DLGAP1: variants seen among roughly 807,000 people sequenced by gnomAD.
DLGAP1 encodes DLG associated protein 1.
A neutral mutation model predicts 90.8 loss-of-function variants in DLGAP1; 11 were observed. The ratio of observed to expected loss-of-function variants is 0.12; its 90% CI spans 0.08 to 0.20. The LOEUF is 0.20. Ranked by LOEUF, DLGAP1 falls within the 10% of genes least tolerant of loss-of-function variation. The pLI, the probability that DLGAP1 is intolerant of heterozygous loss-of-function variation, is 1.00. For synonymous variants in DLGAP1, 558 were observed against 540.7 expected (o/e 1.03, Z -0.44); for missense variants, 1,050 against 1,333.8 (o/e 0.79, Z 3.31).
chr18:4,181,977 T>C (rs938276462), intron 1 of DLGAP1, among the ~76,000 whole-genome samples: 1 of 152,160 alleles, frequency 6.6e-6, no homozygotes, highest in Non-Finnish European at 1.5e-5. Context: ...TGATAGCGAT[T>C]TGCAGATCCC....
chr18:3,662,747 G>A (rs1055068103), intron 7 of DLGAP1, among the ~76,000 whole-genome samples: 2 of 152,252 alleles, frequency 1.3e-5, no homozygotes, highest in African/African-American at 4.8e-5. Context: ...GGAACTGGCA[G>A]CATGTGGATT....
chr18:3,943,762 C>T (rs898144435), intron 3 of DLGAP1, among the ~76,000 whole-genome samples: 1 of 152,110 alleles, frequency 6.6e-6, no homozygotes, highest in Non-Finnish European at 1.5e-5. Flanking sequence ...TGTGACTGTA[C>T]TGTATTTGGA....
chr18:3,730,810 A>AT (rs1203019889), intron 6 of DLGAP1, among the ~76,000 whole-genome samples: 1 of 152,194 alleles, frequency 6.6e-6, no homozygotes, highest in Non-Finnish European at 1.5e-5. Context: ...TAAAAATGCT[A>AT]TTTTCACAGT....
intron 7 of DLGAP1, among the ~76,000 whole-genome samples, chr18:3,601,089 G>GAT (rs2056998050): frequency 6.7e-6 from 1 of 149,564 alleles, no homozygotes; most frequent in East Asian, 1.9e-4. Context: ...TAGATATATA[G>GAT]ATATATATAT....
At position 4,135,640 on chromosome 18, in the gene DLGAP1, T is replaced by C. The variant is rs111581633; in HGVS notation, c.-159+15540A>G. Among the ~76,000 whole-genome samples, 1,325 of 152,232 alleles carry C rather than the reference T, an allele frequency of 8.7e-3. 23 individuals carry two copies. The highest frequency in any genetic ancestry group is 0.028 in the African/African-American group (1,152 of 41,564). On this transcript the variant is annotated intron_variant, in intron 2 of 12. Transcript: ENST00000315677. ...CAGCCACTGGTAACCATTGTTCTAC[T>C]CTCTATCTCCATTAGTTCAGTTGTC... is the stretch of plus-strand genomic sequence containing the variant.
chr18:4,353,539 G>A (rs2081443063), intron 1 of DLGAP1, among the ~76,000 whole-genome samples: 1 of 152,092 alleles, frequency 6.6e-6, no homozygotes, highest in Admixed American at 6.6e-5. Flanking sequence ...ATTGTAAAAA[G>A]CTTTCTGCAG....
intron 1 of DLGAP1, among the ~76,000 whole-genome samples, chr18:4,218,710 CAG>C (rs1361254184): frequency 1.3e-5 from 2 of 151,838 alleles, no homozygotes; most frequent in East Asian, 1.9e-4. Flanking sequence ...AAGTAAAACT[CAG>C]TATTTGTCTT....
At chr18:3,900,317 T>C (rs1446551375) in intron 3 of DLGAP1, among the ~76,000 whole-genome samples, 1 of 152,244 alleles carries the variant, frequency 6.6e-6, no homozygotes, top group Non-Finnish European at 1.5e-5. Context: ...TTGTTGTTTC[T>C]CATCAGCTCC....
chr18:3,754,587 T>C (rs187691863), intron 5 of DLGAP1, among the ~76,000 whole-genome samples: 2 of 151,632 alleles, frequency 1.3e-5, no homozygotes, highest in East Asian at 3.9e-4. Flanking sequence ...TGTACAACTA[T>C]ATTATAAAAG....
At chr18:4,106,063 G>C (rs1033696470) in intron 2 of DLGAP1, among the ~76,000 whole-genome samples, 1 of 140,770 alleles carries the variant, frequency 7.1e-6, no homozygotes, top group East Asian at 2.0e-4. Context: ...AAAAAAAGTT[G>C]CAATTAAACT....
At chr18:3,925,431 A>AT (rs1380413546) in intron 3 of DLGAP1, among the ~76,000 whole-genome samples, 10 of 151,928 alleles carry the variant, frequency 6.6e-5, no homozygotes, top group Non-Finnish European at 1.3e-4. Context: ...TAGACTACTG[A>AT]TTTTTAACCC....
At chr18:3,632,866 G>A (rs2058574495) in intron 7 of DLGAP1, among the ~76,000 whole-genome samples, 1 of 152,156 alleles carries the variant, frequency 6.6e-6, no homozygotes, top group Admixed American at 6.5e-5. Flanking sequence ...AGAGCTCATG[G>A]TTACAACTTC....
At chr18:3,990,731 C>T (rs953389992) in intron 3 of DLGAP1, among the ~76,000 whole-genome samples, 6 of 151,132 alleles carry the variant, frequency 4.0e-5, no homozygotes, top group African/African-American at 1.5e-4. Flanking sequence ...AATATATGTG[C>T]TATTAAATAC....
intron 1 of DLGAP1, among the ~76,000 whole-genome samples, chr18:4,301,288 C>T (rs2080120274): frequency 6.6e-6 from 1 of 152,172 alleles, no homozygotes; most frequent in Admixed American, 6.6e-5. Context: ...ACCATTTCCC[C>T]ATTACTCCAC....
At chr18:3,854,441 C>A (rs1054732914) in intron 4 of DLGAP1, among the ~76,000 whole-genome samples, 3 of 152,120 alleles carry the variant, frequency 2.0e-5, no homozygotes, top group African/African-American at 4.8e-5. Context: ...TGAAAACATT[C>A]TTTTTGGTAA....
chr18:3,589,686 C>G lies in DLGAP1; in HGVS notation c.1592-7438G>C, dbSNP rs2056119059. Among the ~76,000 whole-genome samples, 2 of 152,132 alleles carry G rather than the reference C, an allele frequency of 1.3e-5. 1 individual carries two copies. Among genetic ancestry groups the G allele is most frequent in the South Asian group, 4.1e-4 (2 of 4,828 alleles). The stretch of plus-strand genomic sequence containing the variant: ...TTAAGTGCAGCTATTATCAAGCAAG[C>G]TGTGATTTGATCATCCTTGAGAAGT... On this transcript the variant is annotated intron_variant, in intron 7 of 12. Coordinates refer to ENST00000315677, the MANE Select transcript of DLGAP1 (RefSeq NM_004746.4).
Position 4,126,368 on chromosome 18 carries a change from C to G in DLGAP1, c.-159+24812G>C, listed in dbSNP as rs543606094. ...AAAGGGACAACTTCTAAGATCACAT[C>G]TCTCAGGAAAATACAAAGCTTGTTT... On this transcript the variant is annotated intron_variant, in intron 2 of 12. Transcript: ENST00000315677. 9.2e-5 allele frequency among the ~76,000 whole-genome samples: 14 copies of G among 152,364 alleles called. No individual in the cohort carries two copies. In the South Asian group the frequency reaches 2.9e-3, roughly 32 times the overall value.
At chr18:3,557,529 A>G (rs1294309184) in intron 9 of DLGAP1, among the ~76,000 whole-genome samples, 1 of 152,004 alleles carries the variant, frequency 6.6e-6, no homozygotes, top group Non-Finnish European at 1.5e-5. Flanking sequence ...CTCAAAAGAA[A>G]AAAAAGTTGT....
chr18:4,348,552 C>T (rs1261815438), intron 1 of DLGAP1, among the ~76,000 whole-genome samples: 3 of 152,054 alleles, frequency 2.0e-5, no homozygotes, highest in African/African-American at 7.2e-5. Context: ...GCAATGAGCA[C>T]ATCTAGCACT....
Sources: allele counts gnomAD v4.1 joint callset (sites outside exome capture counted in the v4.1 genomes callset), GRCh38; gene constraint gnomAD v4.1.1; transcripts MANE v1.5; gene names NCBI Gene and HGNC (gene_info 2026-07-23, HGNC 2026-07-21).